CHD9: variants seen among roughly 807,000 people sequenced by gnomAD.
CHD9 encodes the protein ATP-dependent chromatin remodeler CHD9.
In CHD9, 77 loss-of-function variants were observed where a neutral mutation model predicts 316.1. The ratio of observed to expected loss-of-function variants is 0.24; its 90% CI spans 0.20 to 0.29. The LOEUF (loss-of-function observed/expected upper bound fraction) is 0.29. CHD9 is among the 10% of genes least tolerant of loss of function. The pLI, the probability that CHD9 is intolerant of heterozygous loss-of-function variation, is 1.00. For synonymous variants in CHD9, 1,129 were observed against 1,158.3 expected (o/e 0.97, Z 0.51); for missense variants, 2,763 against 3,438.1 (o/e 0.80, Z 4.91).
At chr16:53,287,857 A>G (rs1413255543) in intron 26 of CHD9, 100 bp from the exon 27 acceptor site, 5 of 954,912 alleles carry the variant, frequency 5.2e-6, no homozygotes, top group Non-Finnish European at 6.7e-6. Flanking sequence ...CGTCAGTCTG[A>G]CTTTTAAAAC....
chr16:53,076,842 A>T (rs1476188985), intron 1 of CHD9, among the ~76,000 whole-genome samples: 1 of 151,896 alleles, frequency 6.6e-6, no homozygotes, highest in African/African-American at 2.4e-5. Context: ...GTATTTATTT[A>T]TTTATTTATT....
chr16:53,076,200 G>A (rs932053934), intron 1 of CHD9, among the ~76,000 whole-genome samples: 12 of 151,890 alleles, frequency 7.9e-5, no homozygotes, highest in Non-Finnish European at 2.9e-5. Context: ...CTATTTCTGG[G>A]TTGTCTTTTT....
chr16:53,271,704 G>A (rs983928504), intron 22 of CHD9, among the ~76,000 whole-genome samples: 3 of 151,990 alleles, frequency 2.0e-5, no homozygotes, highest in African/African-American at 7.2e-5. Flanking sequence ...AATATACCAT[G>A]ACTTCGAAAG....
chr16:53,238,645 T>C lies in CHD9; in HGVS notation c.2877+59T>C. The C allele has an allele frequency of 2.0e-6, 3 of 1,524,708 alleles. No individual in the cohort carries two copies. The Admixed American group carries it at 5.6e-5, about 28-fold the overall frequency. The allele number at this position is 1,524,708 out of a possible 1,614,324, so 94.4% of individuals were successfully genotyped here. ...AGGTCAGGGCTGAAAAAGATAAGCA[T>C]TACCTACCAATTATTTTCAAATTTA... On this transcript the variant is annotated intron_variant, in intron 12 of 38. Coordinates refer to ENST00000447540, the MANE Select transcript of CHD9 (RefSeq NM_001308319.2).
intron 3 of CHD9, among the ~76,000 whole-genome samples, chr16:53,217,967 T>A (rs909800096): frequency 4.3e-4 from 65 of 150,600 alleles, no homozygotes; most frequent in African/African-American, 1.3e-3. Context: ...TTTTTTTTTT[T>A]AATTCAGAAT....
chr16:53,090,966 C>T, intron 1 of CHD9, among the ~76,000 whole-genome samples: 1 of 152,042 alleles, frequency 6.6e-6, no homozygotes, highest in East Asian at 1.9e-4. Context: ...CATCTGCTGC[C>T]CTGTGTTTTG....
chr16:53,284,380 G>A (rs1039293320), intron 24 of CHD9, among the ~76,000 whole-genome samples: 6 of 151,390 alleles, frequency 4.0e-5, no homozygotes, highest in African/African-American at 1.5e-4. Context: ...ACATATTTGT[G>A]TATGTATATA....
chr16:53,131,733 C>T (rs1360941280), intron 1 of CHD9, among the ~76,000 whole-genome samples: 2 of 152,072 alleles, frequency 1.3e-5, no homozygotes, highest in Admixed American at 1.3e-4. Context: ...CGTGCTTTCT[C>T]GCCTCCGTGA....
chr16:53,166,204 A>G (rs1384553995), intron 2 of CHD9, among the ~76,000 whole-genome samples: 1 of 152,172 alleles, frequency 6.6e-6, no homozygotes, highest in Non-Finnish European at 1.5e-5. Flanking sequence ...TTATTAAACT[A>G]TGTAGTATAT....
intron 2 of CHD9, among the ~76,000 whole-genome samples, chr16:53,184,166 G>A (rs2043785352): frequency 6.6e-6 from 1 of 151,942 alleles, no homozygotes; most frequent in South Asian, 2.1e-4. Context: ...GGATGGTCTC[G>A]ATCTCCTGAC....
intron 27 of CHD9, among the ~76,000 whole-genome samples, chr16:53,288,216 GA>G (rs2054044887): frequency 6.6e-6 from 1 of 152,202 alleles, no homozygotes; most frequent in Admixed American, 6.5e-5. Flanking sequence ...TTTTAGACAA[GA>G]TGGGGGCTGG....
chr16:53,254,910 T>A (rs1347764343), intron 18 of CHD9, among the ~76,000 whole-genome samples: 2 of 152,242 alleles, frequency 1.3e-5, no homozygotes, highest in Non-Finnish European at 2.9e-5. Context: ...ATTTTCAAAT[T>A]CTTTTTTTAG....
intron 2 of CHD9, among the ~76,000 whole-genome samples, chr16:53,193,607 A>G (rs1272776453): frequency 6.6e-6 from 1 of 152,126 alleles, no homozygotes; most frequent in Admixed American, 6.5e-5. Context: ...TGTCCATTCA[A>G]ATCGTTGGCC....
rs372368284 is a variant in CHD9 at position 53,157,054 on chromosome 16, C to T, written c.965C>T (p.Thr322Ile). The change falls in exon 2 of 39, where the codon ACT becomes ATT. Residue 322 changes from threonine (T) to isoleucine (I), a missense_variant. This residue lies in a region of CHD9 where 859 missense variants were observed against 890.4 expected (regional missense o/e 0.96). Coordinates refer to ENST00000447540, the MANE Select transcript of CHD9 (RefSeq NM_001308319.2). Reference protein sequence around the residue: ...SPHRGIKQESTQHILNPNTSL... With the variant: ...SPHRGIKQESIQHILNPNTSL... ...CATAGAGGAATCAAGCAAGAATCTA[C>T]TCAGCATATCCTAAACCCCAATACA... The T allele has an allele frequency of 6.2e-7, 1 of 1,613,090 alleles. No homozygotes were observed. The highest frequency in any genetic ancestry group is 1.3e-5 in the African/African-American group (1 of 75,046).
At chr16:53,294,920 G>A (rs1383420039) in intron 29 of CHD9, among the ~76,000 whole-genome samples, 1 of 152,130 alleles carries the variant, frequency 6.6e-6, no homozygotes, top group African/African-American at 2.4e-5. Context: ...AAGTTCTTAA[G>A]CCTAAGTTTG....
chr16:53,209,570 G>A lies in CHD9; in HGVS notation c.1541G>A (p.Arg514Lys). 3 of 1,613,718 alleles carry A rather than the reference G, an allele frequency of 1.9e-6. No homozygotes were observed. The highest frequency in any genetic ancestry group is 1.3e-5 in the African/African-American group (1 of 75,002). The change falls in exon 3 of 39, where the codon AGA becomes AAA. Residue 514 changes from arginine (R) to lysine (K), a missense_variant. Arg to Lys is a conservative substitution (Grantham distance 26). This residue lies in a region of CHD9 where 859 missense variants were observed against 890.4 expected (regional missense o/e 0.96). Coordinates refer to ENST00000447540, the MANE Select transcript of CHD9 (RefSeq NM_001308319.2). ...QVRVMSEKKQRKKVESESKQE... is the reference protein window; with the variant it reads ...QVRVMSEKKQKKKVESESKQE... ...AGGGTCATGTCTGAGAAGAAGCAGA[G>A]AAAAAAGGTGGAATCAGAAAGCAAG...
chr16:53,321,535 G>A lies in CHD9; in HGVS notation c.7723G>A (p.Ala2575Thr), dbSNP rs1215716005. 1.3e-6 allele frequency: 2 copies of A among 1,540,330 alleles called. No individual in the cohort carries two copies. The highest frequency in any genetic ancestry group is 1.8e-6 in the Non-Finnish European group (2 of 1,137,094). Residue 2575 changes from alanine to threonine, a missense_variant, in exon 38 of 39, where the codon GCA becomes ACA. Coordinates refer to ENST00000447540, the MANE Select transcript of CHD9 (RefSeq NM_001308319.2). Reference protein sequence around the residue: ...NRRNARKVGGAFAPPLKDLCR... With the variant: ...NRRNARKVGGTFAPPLKDLCR... ...TGTTTCTAATTTACAGGTTGGAGGT[G>A]CATTTGCTCCCCCTTTGAAAGATTT... is the stretch of plus-strand genomic sequence containing the variant.
chr16:53,266,439 C>T (rs962705802), intron 20 of CHD9, among the ~76,000 whole-genome samples: 1 of 152,140 alleles, frequency 6.6e-6, no homozygotes, highest in African/African-American at 2.4e-5. Flanking sequence ...CTTCAGGTCC[C>T]TTGCTCTTTC....
chr16:53,074,156 G>A (rs1431250158), intron 1 of CHD9, among the ~76,000 whole-genome samples: 1 of 152,212 alleles, frequency 6.6e-6, no homozygotes, highest in African/African-American at 2.4e-5. Flanking sequence ...TTAGCAAAGA[G>A]ACTGGTGGCA....
Sources: gnomAD v4.1 joint callset for allele counts (sites outside exome capture counted in the v4.1 genomes callset) on GRCh38, gnomAD v4.1.1 for gene constraint, gnomAD v4.1.1 regional missense constraint, MANE v1.5 for transcripts, NCBI Gene and HGNC (gene_info 2026-07-23, HGNC 2026-07-21) for gene names.